Variants in CDC42BPA observed in about 807,000 individuals in gnomAD.
The protein encoded by CDC42BPA is CDC42 binding protein kinase alpha, also known as serine/threonine-protein kinase MRCK alpha.
CDC42BPA carries 80 observed loss-of-function variants against 223.5 expected under a neutral mutation model. That is an observed-to-expected ratio of 0.36 (90% CI 0.30 to 0.43). The LOEUF is 0.43. Ranked by LOEUF, CDC42BPA falls within the 20% of genes least tolerant of loss-of-function variation. The pLI, the probability that CDC42BPA is intolerant of heterozygous loss-of-function variation, is 1.00. For synonymous variants in CDC42BPA, 694 were observed against 718.6 expected, an observed-to-expected ratio of 0.97 and a Z score of 0.55; for missense variants, 1,743 against 2,099.9, an observed-to-expected ratio of 0.83 and a Z score of 3.32.
intron 1 of CDC42BPA, among the ~76,000 whole-genome samples, chr1:227,254,895 T>C (rs1032268570): frequency 5.3e-5 from 8 of 152,110 alleles, no homozygotes; most frequent in Admixed American, 3.9e-4. Flanking sequence ...ACAATGTAGA[T>C]ATTCCAGGCA....
At chr1:227,238,329 G>A (rs535579468) in intron 2 of CDC42BPA, among the ~76,000 whole-genome samples, 14 of 150,528 alleles carry the variant, frequency 9.3e-5, no homozygotes, top group Non-Finnish European at 2.1e-4. Flanking sequence ...CTACACTGGC[G>A]AGACCCTGTC....
intron 2 of CDC42BPA, among the ~76,000 whole-genome samples, chr1:227,236,790 G>A (rs756886047): frequency 2.6e-5 from 4 of 152,004 alleles, no homozygotes; most frequent in African/African-American, 7.2e-5. Context: ...ATATAAGGCC[G>A]GGCACAGTGG....
chr1:227,198,454 AAAAGAAAG>A (rs1288100401), intron 4 of CDC42BPA, among the ~76,000 whole-genome samples: 2 of 135,274 alleles, frequency 1.5e-5, no homozygotes, highest in East Asian at 2.1e-4. Flanking sequence ...AAAAAAAAAG[AAAAGAAAG>A]AAAGAAAGAA....
chr1:227,132,573 C>G (rs1657397785), intron 10 of CDC42BPA, among the ~76,000 whole-genome samples: 1 of 146,732 alleles, frequency 6.8e-6, no homozygotes, highest in South Asian at 2.1e-4. Flanking sequence ...AAGTGAGGAG[C>G]GTCTCTGCCT....
At chr1:227,163,013 C>CAT (rs35844975) in intron 5 of CDC42BPA, among the ~76,000 whole-genome samples, 12 of 61,974 alleles carry the variant, frequency 1.9e-4, no homozygotes, top group Non-Finnish European at 3.9e-4. Flanking sequence ...TGTTTCCAAA[C>CAT]GTGTATGTTT....
chr1:227,207,118 T>C (rs1345617486), intron 3 of CDC42BPA, among the ~76,000 whole-genome samples: 4 of 120,024 alleles, frequency 3.3e-5, no homozygotes, highest in Admixed American at 3.1e-4. Context: ...GAGTGTGATG[T>C]TCCCCTTCCT....
chr1:227,203,562 T>A (rs533156352), intron 3 of CDC42BPA, among the ~76,000 whole-genome samples: 35 of 152,002 alleles, frequency 2.3e-4, no homozygotes, highest in African/African-American at 6.8e-4. Context: ...TTACCTTTTT[T>A]AAAAAAAACT....
At chr1:227,048,852 A>G (rs1572480078) in intron 22 of CDC42BPA, among the ~76,000 whole-genome samples, 1 of 151,532 alleles carries the variant, frequency 6.6e-6, no homozygotes, top group East Asian at 1.9e-4. Flanking sequence ...AGAACAGAAT[A>G]TTTTAAAATA....
intron 34 of CDC42BPA, 40 bp from the exon 35 acceptor site, chr1:227,005,151 G>T (rs182285465): frequency 2.2e-6 from 3 of 1,376,568 alleles, no homozygotes; most frequent in Admixed American, 3.4e-5. Context: ...TAGCCAGAAA[G>T]AAACTGATTT....
intron 5 of CDC42BPA, among the ~76,000 whole-genome samples, chr1:227,173,552 C>G (rs34400564): frequency 0.16 from 23,873 of 152,038 alleles, 2,321 homozygotes; most frequent in African/African-American, 0.26. Flanking sequence ...AAGACAGTCA[C>G]ACAGGCAGTA....
intron 22 of CDC42BPA, among the ~76,000 whole-genome samples, chr1:227,051,467 A>C (rs1452521612): frequency 6.6e-6 from 1 of 152,162 alleles, no homozygotes; most frequent in Non-Finnish European, 1.5e-5. Context: ...AGTTGCCAGA[A>C]GTGGCTATTT....
chr1:227,144,988 C>G (rs1031473226), intron 8 of CDC42BPA, among the ~76,000 whole-genome samples: 1 of 152,092 alleles, frequency 6.6e-6, no homozygotes, highest in African/African-American at 2.4e-5. Flanking sequence ...TACTACTGTC[C>G]CAGACCAAGT....
intron 5 of CDC42BPA, among the ~76,000 whole-genome samples, chr1:227,169,760 T>C (rs1029703408): frequency 6.6e-6 from 1 of 152,156 alleles, no homozygotes; most frequent in East Asian, 1.9e-4. Flanking sequence ...CCCAATCAGG[T>C]TCTCCCCGCT....
chr1:227,129,235 T>C lies in CDC42BPA; in HGVS notation c.1391-4A>G. ...GCTTGGACAGTCTGTGTTGACTCTTTAAAAAAAAGGATAAAAGAAATAAAA... is the reference window on the plus strand; with the variant it reads ...GCTTGGACAGTCTGTGTTGACTCTTCAAAAAAAAGGATAAAAGAAATAAAA... On this transcript the variant is annotated splice_region_variant and splice_polypyrimidine_tract_variant and intron_variant, in intron 10 of 36. Transcript: ENST00000366766. 1 of 1,534,156 alleles carries C rather than the reference T, an allele frequency of 6.5e-7. No individual in the cohort carries two copies. The highest frequency in any genetic ancestry group is 8.8e-7 in the Non-Finnish European group (1 of 1,139,372).
chr1:227,125,187 T>G (rs1431080644), intron 11 of CDC42BPA, among the ~76,000 whole-genome samples: 6 of 128,112 alleles, frequency 4.7e-5, no homozygotes, highest in East Asian at 2.3e-4. Context: ...CAATTCTACT[T>G]GAGATAAACA....
intron 31 of CDC42BPA, among the ~76,000 whole-genome samples, chr1:227,023,662 C>A (rs1667773975): frequency 6.6e-6 from 1 of 152,128 alleles, no homozygotes. Context: ...CAGATATCAA[C>A]ACAGCTGATT....
intron 1 of CDC42BPA, among the ~76,000 whole-genome samples, chr1:227,267,306 A>G (rs1685171789): frequency 6.6e-6 from 1 of 152,186 alleles, no homozygotes; most frequent in African/African-American, 2.4e-5. Flanking sequence ...TACAAAATAA[A>G]ATCACTTTAG....
chr1:227,167,435 C>G (rs1383026010), intron 5 of CDC42BPA, among the ~76,000 whole-genome samples: 2 of 152,184 alleles, frequency 1.3e-5, no homozygotes, highest in Non-Finnish European at 2.9e-5. Flanking sequence ...AATGACTTCT[C>G]TATGACATCT....
intron 10 of CDC42BPA, among the ~76,000 whole-genome samples, chr1:227,129,580 T>C (rs1182171070): frequency 6.9e-6 from 1 of 145,942 alleles, no homozygotes; most frequent in Admixed American, 7.2e-5. Flanking sequence ...GATGGGAGAA[T>C]TGCTTGAGCC....
Sources: allele counts gnomAD v4.1 joint callset (sites outside exome capture counted in the v4.1 genomes callset), GRCh38; gene constraint gnomAD v4.1.1; transcripts MANE v1.5; gene names NCBI Gene and HGNC (gene_info 2026-07-23, HGNC 2026-07-21).